Variants in SGPL1 observed in about 807,000 individuals in gnomAD.
The protein encoded by SGPL1 is sphingosine-1-phosphate lyase 1.
Under a neutral mutation model 68.9 loss-of-function variants are expected in SGPL1, and 37 were observed. The observed-to-expected ratio is 0.54, with a 90% confidence interval of 0.41 to 0.71. The LOEUF (loss-of-function observed/expected upper bound fraction) is 0.71. Among genes scored for constraint, SGPL1 ranks in the 30% least tolerant of loss-of-function variants. The pLI, the probability that SGPL1 is intolerant of heterozygous loss-of-function variation, is 0.00. For missense variants in SGPL1, 551 were observed against 704.6 expected (o/e 0.78, Z 2.47); for synonymous variants, 236 against 248.5 (o/e 0.95, Z 0.47).
At chr10:70,842,614 T>C (rs11599687) in intron 2 of SGPL1, among the ~76,000 whole-genome samples, 1 of 151,164 alleles carries the variant, frequency 6.6e-6, no homozygotes, top group Non-Finnish European at 1.5e-5. Context: ...AGAAAGAGAG[T>C]GGGGGGAGGT....
At chr10:70,850,238 C>G (rs1463853551) in intron 3 of SGPL1, among the ~76,000 whole-genome samples, 1 of 152,136 alleles carries the variant, frequency 6.6e-6, no homozygotes, top group African/African-American at 2.4e-5. Flanking sequence ...TGGTCTCACC[C>G]TCCTGTGCTC....
Position 70,844,506 on chromosome 10 carries a change from G to T in SGPL1, c.61G>T (p.Val21Leu), listed in dbSNP as rs12770335. Reference protein sequence around the residue: ...AFEPYLEILEVYSTKAKNYVN... With the variant: ...AFEPYLEILELYSTKAKNYVN... ...TGAGCCCTACTTAGAGATTTTGGAA[G>T]TATACTCCACAAAAGCCAAGAATTA... The change falls in exon 3 of 15, where the codon GTA becomes TTA. Residue 21 changes from valine (V) to leucine (L), a missense_variant. Transcript: ENST00000373202. The T allele has an allele frequency of 0.12, 187,941 of 1,613,196 alleles. 12,514 individuals carry two copies. The highest frequency in any genetic ancestry group is 0.14 in the Non-Finnish European group (160,182 of 1,179,196).
chr10:70,830,334 C>T (rs7894181), intron 2 of SGPL1, among the ~76,000 whole-genome samples: 52,310 of 151,996 alleles, frequency 0.34, 9,338 homozygotes, highest in South Asian at 0.5. Context: ...TCCTTCTCAC[C>T]GGTCCTCAGC....
At chr10:70,847,382 C>A (rs188434633) in intron 3 of SGPL1, among the ~76,000 whole-genome samples, 1 of 152,132 alleles carries the variant, frequency 6.6e-6, no homozygotes, top group South Asian at 2.1e-4. Context: ...CTCCTGACCT[C>A]AGGTGATCCG....
chr10:70,833,586 G>T (rs1845578652), intron 2 of SGPL1, among the ~76,000 whole-genome samples: 1 of 152,136 alleles, frequency 6.6e-6, no homozygotes, highest in African/African-American at 2.4e-5. Flanking sequence ...TGTTTACCTT[G>T]CACTTTGAAG....
chr10:70,831,428 C>G (rs1845534221), intron 2 of SGPL1, among the ~76,000 whole-genome samples: 1 of 152,168 alleles, frequency 6.6e-6, no homozygotes, highest in Admixed American at 6.6e-5. Context: ...CAAGTCTGGT[C>G]CTTCAAAATG....
Position 70,828,263 on chromosome 10 carries a change from A to G in SGPL1, c.27+11383A>G, listed in dbSNP as rs924835430. On this transcript the variant is annotated intron_variant, in intron 2 of 14. Coordinates refer to ENST00000373202, the MANE Select transcript of SGPL1 (RefSeq NM_003901.4). ...AATTTCTGTCATCTGCATACCACAC[A>G]TGGAGAAGAGCACTGAGAACTCTTT... Among the ~76,000 whole-genome samples the G allele has an allele frequency of 3.9e-5, 6 of 152,342 alleles. No homozygotes were observed. The South Asian group carries it at 6.2e-4, about 16-fold the overall frequency.
At chr10:70,816,735 T>G (rs1319077160) in intron 1 of SGPL1, 76 bp from the exon 2 acceptor site, 1 of 989,174 alleles carries the variant, frequency 1.0e-6, no homozygotes, top group African/African-American at 1.6e-5. Context: ...ATAACTTGGC[T>G]GCTCTGGCGA....
chr10:70,816,550 C>A (rs1845234417), intron 1 of SGPL1, among the ~76,000 whole-genome samples: 1 of 152,158 alleles, frequency 6.6e-6, no homozygotes, highest in African/African-American at 2.4e-5. Context: ...CGGGGCGTTT[C>A]CCCTAGTTTC....
chr10:70,863,707 C>CA (rs956535985), intron 7 of SGPL1, among the ~76,000 whole-genome samples: 2 of 152,218 alleles, frequency 1.3e-5, no homozygotes, highest in African/African-American at 4.8e-5. Context: ...ACCACAAACT[C>CA]ACATAAAGGC....
intron 7 of SGPL1, among the ~76,000 whole-genome samples, chr10:70,867,711 T>C (rs1191841837): frequency 6.6e-6 from 1 of 152,208 alleles, no homozygotes; most frequent in East Asian, 1.9e-4. Flanking sequence ...CCTACGTCTT[T>C]TTGTTTGAAC....
At chr10:70,835,659 C>G (rs1305777436) in intron 2 of SGPL1, among the ~76,000 whole-genome samples, 1 of 150,450 alleles carries the variant, frequency 6.6e-6, no homozygotes, top group Non-Finnish European at 1.5e-5. Flanking sequence ...TGGCTTGAAC[C>G]CGGGAGGTGG....
intron 11 of SGPL1, among the ~76,000 whole-genome samples, chr10:70,872,476 C>T (rs561234043): frequency 6.6e-6 from 1 of 152,314 alleles, no homozygotes; most frequent in East Asian, 1.9e-4. Flanking sequence ...CAGGAACATT[C>T]AGCATTTGAG....
chr10:70,831,675 A>G (rs1360525378), intron 2 of SGPL1, among the ~76,000 whole-genome samples: 1 of 152,198 alleles, frequency 6.6e-6, no homozygotes, highest in Non-Finnish European at 1.5e-5. Flanking sequence ...GTGTTCAGCT[A>G]TCCAGAGGCT....
intron 2 of SGPL1, among the ~76,000 whole-genome samples, chr10:70,824,359 T>C (rs976875859): frequency 6.6e-6 from 1 of 152,234 alleles, no homozygotes; most frequent in Non-Finnish European, 1.5e-5. Flanking sequence ...TTTTGCATCA[T>C]GTATGCTTGT....
chr10:70,862,511 C>T (rs1374586373), intron 7 of SGPL1, among the ~76,000 whole-genome samples: 2 of 152,296 alleles, frequency 1.3e-5, no homozygotes, highest in East Asian at 1.9e-4. Context: ...CTCGGGTCCC[C>T]TTCCACACTG....
In SGPL1 at chr10:70,873,389, T is replaced by C. The variant is rs1846327170; in HGVS notation, c.1098T>C (p.Tyr366=). Residue 366 remains tyrosine (Y), a synonymous_variant, in exon 12 of 15, where the codon TAT becomes TAC. Transcript: ENST00000373202. ...CAAAAGGCTCATCATTGGTGTTGTA[T>C]AGTGACAAGAAGTACAGGAACTATC... is the stretch of plus-strand genomic sequence containing the variant. The part of the protein sequence containing the change: ...YAPKGSSLVL[Y]SDKKYRNYQF... The C allele has an allele frequency of 1.2e-6, 2 of 1,614,224 alleles. No homozygotes were observed. Among genetic ancestry groups the C allele is most frequent in the Non-Finnish European group, 1.7e-6 (2 of 1,180,020 alleles).
intron 2 of SGPL1, among the ~76,000 whole-genome samples, chr10:70,836,012 T>G (rs578036458): frequency 6.6e-6 from 1 of 152,286 alleles, no homozygotes; most frequent in South Asian, 2.1e-4. Context: ...GAAAACTGGT[T>G]TGTGTGCACT....
chr10:70,817,276 C>T (rs1169044942), intron 2 of SGPL1, among the ~76,000 whole-genome samples: 2 of 152,202 alleles, frequency 1.3e-5, no homozygotes, highest in South Asian at 2.1e-4. Context: ...GCCTTGGCCT[C>T]CCGAAGTGCT....
Sources: allele counts gnomAD v4.1 joint callset (sites outside exome capture counted in the v4.1 genomes callset), GRCh38; gene constraint gnomAD v4.1.1; transcripts MANE v1.5; gene names NCBI Gene and HGNC (gene_info 2026-07-23, HGNC 2026-07-21).